CHD2: variants seen among roughly 807,000 people sequenced by gnomAD.
CHD2 encodes chromodomain helicase DNA binding protein 2.
In CHD2, 28 loss-of-function variants were observed where a neutral mutation model predicts 243.9. That is an observed-to-expected ratio of 0.11 (90% CI 0.09 to 0.16). The LOEUF is 0.16. Among genes scored for constraint, CHD2 ranks in the 10% least tolerant of loss-of-function variants. The pLI is 1.00. For synonymous variants in CHD2, 775 were observed against 779.0 expected (o/e 0.99, Z 0.09); for missense variants, 1,386 against 2,209.8 (o/e 0.63, Z 7.47).
chr15:92,924,462 C>T lies in CHD2; in HGVS notation c.204C>T (p.Ser68=), dbSNP rs150919373. The change falls in exon 3 of 39, where the codon AGC becomes AGT. Residue 68 remains serine (S), a synonymous_variant. Transcript: ENST00000394196. ...ESSESQSESE[S]ESAGSKSQPV... ...CTGAGAGTCAGTCGGAATCTGAGAG[C>T]GAATCAGCAGGTTCCAAATCCCAGC... is the stretch of plus-strand genomic sequence containing the variant. The T allele has an allele frequency of 6.8e-6, 11 of 1,613,864 alleles. No individual in the cohort carries two copies. Among genetic ancestry groups the T allele is most frequent in the South Asian group, 5.5e-5 (5 of 91,078 alleles).
At chr15:92,949,183 C>T (rs1249684530) in intron 13 of CHD2, 107 bp downstream of exon 13, 10 of 1,545,584 alleles carry the variant, frequency 6.5e-6, no homozygotes, top group Non-Finnish European at 8.6e-6. Flanking sequence ...TGTATCTCAA[C>T]CAAGAAATCT....
intron 14 of CHD2, chr15:92,953,894 GTAATAT>G (rs1412597858): frequency 1.9e-5 from 4 of 205,638 alleles, no homozygotes; most frequent in African/African-American, 4.7e-5. Flanking sequence ...AATACTTTGT[GTAATAT>G]TAATATTATT....
intron 2 of CHD2, 105 bp downstream of exon 2, chr15:92,901,404 T>C (rs2052527436): frequency 1.4e-6 from 1 of 724,220 alleles, no homozygotes; most frequent in Non-Finnish European, 2.4e-6. Context: ...TGTTTTATTG[T>C]GTTTTTCTAA....
At chr15:92,978,465 A>ATT in intron 21 of CHD2, 82 bp downstream of exon 21, 10 of 1,429,074 alleles carry the variant, frequency 7.0e-6, no homozygotes, top group Non-Finnish European at 9.6e-6. Flanking sequence ...TGTTAATAAA[A>ATT]TGCTTTTTCC....
At chr15:92,913,905 G>C (rs1295257174) in intron 2 of CHD2, among the ~76,000 whole-genome samples, 1 of 152,088 alleles carries the variant, frequency 6.6e-6, no homozygotes, top group Non-Finnish European at 1.5e-5. Context: ...GGTAAATGTT[G>C]GTTGTTAGTA....
At chr15:92,937,721 T>G in intron 6 of CHD2, 96 bp downstream of exon 6, 1 of 836,652 alleles carries the variant, frequency 1.2e-6, no homozygotes, top group Non-Finnish European at 1.9e-6. Context: ...TTTAATGAGA[T>G]GCATTGTGTT....
rs776419537 is a variant in CHD2 at position 93,024,569 on chromosome 15, T to C, written c.5351T>C (p.Val1784Ala). 8 of 1,614,010 alleles carry C rather than the reference T, an allele frequency of 5.0e-6. No individual in the cohort carries two copies. In the African/African-American group the frequency reaches 9.3e-5, roughly 19 times the overall value. ...CCTCTACCCCCATTGCACCCTGCAG[T>C]CTCAGATCCTCGCTCACCCCCTTCT... is the stretch of plus-strand genomic sequence containing the variant. ...KQPLPPLHPAVSDPRSPPSQK... is the reference protein window; with the variant it reads ...KQPLPPLHPAASDPRSPPSQK... The change falls in exon 39 of 39, where the codon GTC becomes GCC. Residue 1784 changes from valine (V) to alanine (A), a missense_variant. Physicochemically the swap from Val to Ala is moderately conservative, Grantham distance 64. Coordinates refer to ENST00000394196, the MANE Select transcript of CHD2 (RefSeq NM_001271.4).
intron 27 of CHD2, among the ~76,000 whole-genome samples, chr15:92,991,964 G>A (rs28667191): frequency 0.011 from 1,700 of 152,244 alleles, 30 homozygotes; most frequent in African/African-American, 0.035. Context: ...ACTTAACATA[G>A]CCTTGACTAT....
chr15:93,024,656 T>A lies in CHD2; in HGVS notation c.5438T>A (p.Leu1813Gln). Residue 1813 changes from leucine (L) to glutamine (Q), a missense_variant, in exon 39 of 39, where the codon CTA becomes CAA. Leu to Gln is a moderately radical substitution (Grantham distance 113, BLOSUM62 -2). Coordinates refer to ENST00000394196, the MANE Select transcript of CHD2 (RefSeq NM_001271.4). Reference protein sequence around the residue: ...LDHRSPLERSLEQKNNPDYNW... With the variant: ...LDHRSPLERSQEQKNNPDYNW... ...CATAGGTCTCCTTTGGAGAGATCACTAGAACAGAAAAACAACCCAGATTAT... is the reference window on the plus strand; with the variant it reads ...CATAGGTCTCCTTTGGAGAGATCACAAGAACAGAAAAACAACCCAGATTAT... 1 of 1,613,444 alleles carries A rather than the reference T, an allele frequency of 6.2e-7. No individual in the cohort carries two copies. Among genetic ancestry groups the A allele is most frequent in the Non-Finnish European group, 8.5e-7 (1 of 1,179,762 alleles).
chr15:93,000,453 G>C, intron 31 of CHD2, 59 bp from the exon 32 acceptor site: 1 of 1,507,928 alleles, frequency 6.6e-7, no homozygotes, highest in East Asian at 2.3e-5. Flanking sequence ...CATGTTGTTT[G>C]GTTATGCTTT....
intron 3 of CHD2, among the ~76,000 whole-genome samples, chr15:92,926,948 G>C (rs2053073567): frequency 6.6e-6 from 1 of 150,488 alleles, no homozygotes; most frequent in Non-Finnish European, 1.5e-5. Context: ...TGTCTTTAGT[G>C]GAAGCAGCCG....
intron 13 of CHD2, among the ~76,000 whole-genome samples, chr15:92,951,196 A>G (rs1310564193): frequency 6.6e-6 from 1 of 151,892 alleles, no homozygotes; most frequent in Non-Finnish European, 1.5e-5. Flanking sequence ...TTTGAGACTG[A>G]GTTTTGCTCT....
At chr15:92,996,439 T>TTA (rs1234133593) in intron 28 of CHD2, among the ~76,000 whole-genome samples, 1 of 152,068 alleles carries the variant, frequency 6.6e-6, no homozygotes, top group Non-Finnish European at 1.5e-5. Context: ...GGATTACAGG[T>TTA]GTGAGCCACC....
At chr15:93,015,542 A>C (rs1302261167) in intron 37 of CHD2, among the ~76,000 whole-genome samples, 1 of 150,318 alleles carries the variant, frequency 6.7e-6, no homozygotes, top group Non-Finnish European at 1.5e-5. Flanking sequence ...AACTGAATAG[A>C]AAAATGGGCA....
chr15:92,916,265 C>T (rs1001197255), intron 2 of CHD2, among the ~76,000 whole-genome samples: 13 of 152,210 alleles, frequency 8.5e-5, no homozygotes, highest in South Asian at 2.1e-4. Flanking sequence ...GGATGTGTCA[C>T]GGGCACGTCC....
At chr15:93,013,967 A>G (rs1320804619) in intron 36 of CHD2, among the ~76,000 whole-genome samples, 3 of 151,624 alleles carry the variant, frequency 2.0e-5, no homozygotes, top group East Asian at 1.9e-4. Flanking sequence ...TACAGAAAAC[A>G]AAAACATTCA....
intron 13 of CHD2, among the ~76,000 whole-genome samples, chr15:92,952,132 A>G (rs2053562048): frequency 6.6e-6 from 1 of 152,186 alleles, no homozygotes; most frequent in Non-Finnish European, 1.5e-5. Flanking sequence ...TTTCCCAAAT[A>G]TATTTTCCTA....
chr15:92,955,018 G>A (rs2053601468), intron 14 of CHD2, among the ~76,000 whole-genome samples: 1 of 152,120 alleles, frequency 6.6e-6, no homozygotes, highest in African/African-American at 2.4e-5. Flanking sequence ...TCCAAAGGTT[G>A]GAATTTGTTT....
In CHD2 at chr15:93,009,272, C is replaced by A; in HGVS notation, c.4541C>A (p.Ala1514Asp). 6.2e-7 allele frequency: 1 copy of A among 1,614,174 alleles called. No homozygotes were observed. ...NCLLKIGDRI[A>D]ECLKAYSDQE... Reference sequence around the variant, plus strand: ...CTGCTGAAAATCGGAGACCGGATAGCCGAGTGCCTTAAAGCCTACTCAGAT... The same window carrying A: ...CTGCTGAAAATCGGAGACCGGATAGACGAGTGCCTTAAAGCCTACTCAGAT... The change falls in exon 35 of 39, where the codon GCC (alanine) becomes GAC (aspartate). Residue 1514 changes from alanine to aspartate, a missense_variant. By Grantham distance (126) the Ala-to-Asp change is moderately radical. This residue lies in a region of CHD2 where 42 missense variants were observed against 47.6 expected (regional missense o/e 0.88). Coordinates refer to ENST00000394196, the MANE Select transcript of CHD2 (RefSeq NM_001271.4).
Sources: gnomAD v4.1 joint callset for allele counts (sites outside exome capture counted in the v4.1 genomes callset) on GRCh38, gnomAD v4.1.1 for gene constraint, gnomAD v4.1.1 regional missense constraint, MANE v1.5 for transcripts, NCBI Gene and HGNC (gene_info 2026-07-23, HGNC 2026-07-21) for gene names.